ANKS1B: variants seen among roughly 807,000 people sequenced by gnomAD.
The protein encoded by ANKS1B is ankyrin repeat and sterile alpha motif domain-containing protein 1B.
ANKS1B carries 36 observed loss-of-function variants against 148.3 expected under a neutral mutation model. The ratio of observed to expected loss-of-function variants is 0.24; its 90% confidence interval spans 0.19 to 0.32. The LOEUF (loss-of-function observed/expected upper bound fraction) is 0.32, where lower values mean the gene tolerates loss of function less well. ANKS1B is among the 10% of genes least tolerant of loss of function. The pLI, the probability that ANKS1B is intolerant of heterozygous loss-of-function variation, is 1.00. For missense variants in ANKS1B, 1,157 were observed against 1,542.6 expected, an observed-to-expected ratio of 0.75 and a Z score of 4.19; for synonymous variants, 542 against 560.8, an observed-to-expected ratio of 0.97 and a Z score of 0.47.
intron 25 of ANKS1B, among the ~76,000 whole-genome samples, chr12:98,763,262 A>G (rs1047797530): frequency 6.6e-6 from 1 of 152,240 alleles, no homozygotes; most frequent in African/African-American, 2.4e-5. Flanking sequence ...TTCTGGGCAT[A>G]TTCACAGACT....
chr12:99,580,747 A>C (rs1322432670), intron 9 of ANKS1B, among the ~76,000 whole-genome samples: 1 of 152,202 alleles, frequency 6.6e-6, no homozygotes, highest in African/African-American at 2.4e-5. Context: ...GAAGATTTAA[A>C]ATGTTCCCAA....
chr12:99,800,427 G>C (rs931521966), intron 4 of ANKS1B, among the ~76,000 whole-genome samples: 6 of 90,058 alleles, frequency 6.7e-5, no homozygotes, highest in Non-Finnish European at 1.0e-4. Flanking sequence ...AACCTAAGCA[G>C]ACAATACAGA....
intron 25 of ANKS1B, among the ~76,000 whole-genome samples, chr12:98,770,454 A>C (rs2098551026): frequency 6.6e-6 from 1 of 152,224 alleles, no homozygotes; most frequent in African/African-American, 2.4e-5. Flanking sequence ...CATCCTTGTA[A>C]ACCCTGAATG....
chr12:99,393,111 T>TAGATAGAC (rs2094133527), intron 12 of ANKS1B, among the ~76,000 whole-genome samples: 2 of 152,034 alleles, frequency 1.3e-5, no homozygotes, highest in East Asian at 3.9e-4. Context: ...GATAGATAGA[T>TAGATAGAC]AGATAGATAG....
At chr12:99,478,645 A>G (rs1209341633) in intron 10 of ANKS1B, among the ~76,000 whole-genome samples, 2 of 152,116 alleles carry the variant, frequency 1.3e-5, no homozygotes, top group Non-Finnish European at 1.5e-5. Flanking sequence ...TTTGAAATGT[A>G]CAGAACTAGC....
At chr12:99,089,492 C>T (rs534108761) in intron 15 of ANKS1B, among the ~76,000 whole-genome samples, 21 of 152,292 alleles carry the variant, frequency 1.4e-4, no homozygotes, top group African/African-American at 5.1e-4. Context: ...AACAAAGATA[C>T]AGAACATCGC....
intron 22 of ANKS1B, among the ~76,000 whole-genome samples, chr12:98,797,198 C>G (rs2098957421): frequency 6.6e-6 from 1 of 152,100 alleles, no homozygotes; most frequent in East Asian, 1.9e-4. Flanking sequence ...AATTATAAAA[C>G]CAGGGAGAAC....
chr12:99,235,011 C>T (rs2153956453), intron 14 of ANKS1B, among the ~76,000 whole-genome samples: 1 of 152,246 alleles, frequency 6.6e-6, no homozygotes, highest in Non-Finnish European at 1.5e-5. Flanking sequence ...GAGGCACACA[C>T]AGAGCCAGCC....
intron 8 of ANKS1B, among the ~76,000 whole-genome samples, chr12:99,720,748 T>C (rs1311216096): frequency 6.6e-6 from 1 of 152,126 alleles, no homozygotes; most frequent in African/African-American, 2.4e-5. Flanking sequence ...ACTTGGACTG[T>C]GCCCCAAAAA....
intron 12 of ANKS1B, among the ~76,000 whole-genome samples, chr12:99,323,720 G>C (rs1455921419): frequency 1.3e-5 from 2 of 152,144 alleles, no homozygotes; most frequent in Middle Eastern, 3.2e-3. Context: ...GCATGAGTAA[G>C]ATGGGACAGA....
intron 12 of ANKS1B, among the ~76,000 whole-genome samples, chr12:99,258,705 CT>C (rs1332660595): frequency 6.7e-6 from 1 of 148,708 alleles, no homozygotes; most frequent in Non-Finnish European, 1.5e-5. Flanking sequence ...TTCCAGTTCA[CT>C]TTCCAGGTCA....
intron 9 of ANKS1B, among the ~76,000 whole-genome samples, chr12:99,536,511 T>A (rs917209226): frequency 2.0e-5 from 3 of 152,180 alleles, no homozygotes; most frequent in Non-Finnish European, 4.4e-5. Context: ...TGTGTTCCAG[T>A]GGTTGGGAAT....
chr12:99,724,410 T>C (rs958802740), intron 8 of ANKS1B, among the ~76,000 whole-genome samples: 7 of 152,076 alleles, frequency 4.6e-5, no homozygotes, highest in Non-Finnish European at 1.0e-4. Flanking sequence ...ATATCTGAGT[T>C]TGAAGACCAC....
chr12:98,994,050 C>T (rs1485054259), intron 17 of ANKS1B, among the ~76,000 whole-genome samples: 1 of 152,084 alleles, frequency 6.6e-6, no homozygotes, highest in Non-Finnish European at 1.5e-5. Flanking sequence ...CACAATGTTC[C>T]TGTTTTTAAA....
intron 1 of ANKS1B, among the ~76,000 whole-genome samples, chr12:99,918,417 A>T (rs538026224): frequency 2.0e-5 from 3 of 152,258 alleles, no homozygotes; most frequent in African/African-American, 7.2e-5. Context: ...TTTCACCCAA[A>T]CCCTTTATTT....
At position 98,969,116 on chromosome 12, in the gene ANKS1B, C is replaced by T. The variant is rs964304226; in HGVS notation, c.2778+84041G>A. ...CAAAGCTGAAAATCTGAGGAGCTGC[C>T]GCCTGGATGGGGAAGGATATGCTTG... is the stretch of plus-strand genomic sequence containing the variant. On this transcript the variant is annotated intron_variant, in intron 17 of 26. Coordinates refer to ENST00000683438, the MANE Select transcript of ANKS1B (RefSeq NM_001352186.2). Among the ~76,000 whole-genome samples, 6 of 152,252 alleles carry T rather than the reference C, an allele frequency of 3.9e-5. No individual in the cohort carries two copies. In the East Asian group the frequency reaches 5.8e-4, roughly 15 times the overall value.
At chr12:99,034,791 T>C (rs1274138460) in intron 17 of ANKS1B, among the ~76,000 whole-genome samples, 1 of 152,220 alleles carries the variant, frequency 6.6e-6, no homozygotes, top group Non-Finnish European at 1.5e-5. Flanking sequence ...AAATACTTTT[T>C]GAACATCTTC....
chr12:99,226,528 A>T (rs1413186001), intron 14 of ANKS1B, among the ~76,000 whole-genome samples: 1 of 152,228 alleles, frequency 6.6e-6, no homozygotes, highest in Non-Finnish European at 1.5e-5. Flanking sequence ...TATATATCTT[A>T]CATATATAAT....
intron 9 of ANKS1B, among the ~76,000 whole-genome samples, chr12:99,555,207 A>G (rs964088685): frequency 1.3e-5 from 2 of 152,096 alleles, no homozygotes; most frequent in South Asian, 4.2e-4. Context: ...TGGTAGCTCC[A>G]TTTTAAGTTC....
Sources: gnomAD v4.1 joint callset for allele counts (sites outside exome capture counted in the v4.1 genomes callset) on GRCh38, gnomAD v4.1.1 for gene constraint, MANE v1.5 for transcripts, NCBI Gene and HGNC (gene_info 2026-07-23, HGNC 2026-07-21) for gene names.